The following SPDYE3 variants were observed in gnomAD, a reference collection of about 807,000 sequenced individuals.
The protein encoded by SPDYE3 is speedy protein E3.
Under a neutral mutation model 55.0 loss-of-function variants are expected in SPDYE3, and 15 were observed. The ratio of observed to expected loss-of-function variants is 0.27; its 90% CI spans 0.18 to 0.42. SPDYE3 has a LOEUF of 0.42. SPDYE3 is among the 10% of genes least tolerant of loss of function. SPDYE3 has a pLI of 1.00. For missense variants in SPDYE3, 236 were observed against 576.7 expected (o/e 0.41, Z 6.05); for synonymous variants, 89 against 229.9 (o/e 0.39, Z 5.55).
intron 8 of SPDYE3, among the ~76,000 whole-genome samples, chr7:100,318,420 C>T (rs994955649): frequency 4.6e-5 from 7 of 152,148 alleles, no homozygotes; most frequent in African/African-American, 1.4e-4. Context: ...CTTGGTGTTT[C>T]CTGGCTTGGC....
At chr7:100,317,032 G>A in intron 7 of SPDYE3, 38 bp from the exon 8 acceptor site, 3 of 1,580,854 alleles carry the variant, frequency 1.9e-6, no homozygotes, top group Non-Finnish European at 2.6e-6. Flanking sequence ...CTCCCAAGAT[G>A]TGACCTCTCC....
Position 100,320,918 on chromosome 7 carries a change from T to A in SPDYE3, c.*73T>A, listed in dbSNP as rs1367839423. The A allele has an allele frequency of 4.9e-6, 6 of 1,234,096 alleles. No homozygotes were observed. Among genetic ancestry groups the A allele is most frequent in the Non-Finnish European group, 5.5e-6 (5 of 915,394 alleles). The allele number at this position is 1,234,096 out of a possible 1,614,324, so 76.4% of individuals were successfully genotyped here. ...CACCGGACCCAGGGGAGATGTGGAT[T>A]TTCAGCAGGAACTTTATTCCAGTGC... On this transcript the variant is annotated 3_prime_UTR_variant, in exon 11 of 11. Coordinates refer to ENST00000332397, the MANE Select transcript of SPDYE3 (RefSeq NM_001004351.5).
At chr7:100,317,333 T>C (rs559752101) in intron 8 of SPDYE3, among the ~76,000 whole-genome samples, 178 bp downstream of exon 8, 142 of 152,308 alleles carry the variant, frequency 9.3e-4, no homozygotes, top group African/African-American at 3.3e-3. Context: ...AGGCTGGGCA[T>C]GGTGGCTCAG....
intron 10 of SPDYE3, chr7:100,320,675 C>G: frequency 9.3e-7 from 1 of 1,071,946 alleles, no homozygotes; most frequent in Non-Finnish European, 1.2e-6. Context: ...TGGGGCTGAC[C>G]TTGGGTGTAT....
At position 100,321,892 on chromosome 7, in the gene SPDYE3, C is replaced by G. The variant is rs1252323861; in HGVS notation, c.*1047C>G. Reference sequence around the variant, plus strand: ...ATATTTATTTATTTAAATGTTATTACTTTAAATATTATTTTAAATATTTTG... The same window carrying G: ...ATATTTATTTATTTAAATGTTATTAGTTTAAATATTATTTTAAATATTTTG... On this transcript the variant is annotated 3_prime_UTR_variant, in exon 11 of 11. Transcript: ENST00000332397. The G allele has an allele frequency of 6.9e-6, 1 of 144,036 alleles. No homozygotes were observed. Among genetic ancestry groups the G allele is most frequent in the African/African-American group, 2.5e-5 (1 of 39,950 alleles). 8.9% of individuals were successfully genotyped at this position (144,036 alleles called of 1,614,324 possible). A position where few individuals can be genotyped will look rare whatever the true frequency, so the allele number is the denominator to read the frequency against.
intron 8 of SPDYE3, among the ~76,000 whole-genome samples, chr7:100,319,343 T>TG (rs972028700): frequency 6.6e-6 from 1 of 152,210 alleles, no homozygotes; most frequent in African/African-American, 2.4e-5. Context: ...CCACCACTCT[T>TG]GGTCACCAGT....
At position 100,320,890 on chromosome 7, in the gene SPDYE3, G is replaced by A; in HGVS notation, c.*46-1G>A. 8.1e-7 allele frequency: 1 copy of A among 1,227,966 alleles called. No individual in the cohort carries two copies. Among genetic ancestry groups the A allele is most frequent in the East Asian group, 4.7e-5 (1 of 21,396 alleles). The allele number at this position is 1,227,966 out of a possible 1,614,324, so 76.1% of individuals were successfully genotyped here. On this transcript the variant is annotated splice_acceptor_variant, in intron 10 of 10. Transcript: ENST00000332397. LOFTEE classifies it low-confidence loss of function (3UTR_SPLICE). Reference sequence around the variant, plus strand: ...TGTGACATTGTCTCTCTCACTTCCAGAACACCGGACCCAGGGGAGATGTGG... The same window carrying A: ...TGTGACATTGTCTCTCTCACTTCCAAAACACCGGACCCAGGGGAGATGTGG...
At chr7:100,310,021 G>C (rs1229142541) in intron 2 of SPDYE3, among the ~76,000 whole-genome samples, 1 of 137,984 alleles carries the variant, frequency 7.2e-6, no homozygotes, top group Non-Finnish European at 1.6e-5. Flanking sequence ...ACTGGAATCC[G>C]GGAGATAGAT....
Position 100,320,031 on chromosome 7 carries a change from A to C in SPDYE3, c.*41A>C, listed in dbSNP as rs1443036202. On this transcript the variant is annotated 3_prime_UTR_variant, in exon 10 of 11. Transcript: ENST00000332397. ...GGAGGCCTGAGGTCATCGGCCTGAG[A>C]GAAGGTACATCTGCATCCTCCGGGG... is the stretch of plus-strand genomic sequence containing the variant. The C allele has an allele frequency of 1.9e-6, 3 of 1,604,756 alleles. No individual in the cohort carries two copies. The East Asian group carries it at 6.7e-5, about 36-fold the overall frequency.
At position 100,308,117 on chromosome 7, in the gene SPDYE3, G is replaced by C. The variant is rs144605175; in HGVS notation, c.106+126G>C. ...GGCCGAGGCGGGCAGATCACCTGAGGTCAGCAGTTCAAGACCAGCCTGGCC... is the reference window on the plus strand; with the variant it reads ...GGCCGAGGCGGGCAGATCACCTGAGCTCAGCAGTTCAAGACCAGCCTGGCC... On this transcript the variant is annotated intron_variant, in intron 1 of 10. Transcript: ENST00000332397. 10,558 of 1,281,626 alleles carry C rather than the reference G, an allele frequency of 8.2e-3. 774 individuals are homozygous for C. The East Asian group carries it at 0.19, about 23-fold the overall frequency. 79.4% of individuals were successfully genotyped at this position (1,281,626 alleles called of 1,614,324 possible).
intron 1 of SPDYE3, among the ~76,000 whole-genome samples, chr7:100,308,771 G>A (rs1321548962): frequency 2.0e-5 from 3 of 150,636 alleles, no homozygotes; most frequent in Non-Finnish European, 4.4e-5. Flanking sequence ...ATGACGCAGT[G>A]TTCTGAGGAC....
intron 6 of SPDYE3, among the ~76,000 whole-genome samples, chr7:100,315,007 C>T (rs981840448): frequency 1.4e-5 from 2 of 146,352 alleles, no homozygotes; most frequent in Admixed American, 6.8e-5. Context: ...GATCCCAGCA[C>T]GTTGGGAGGC....
chr7:100,307,739 AC>A lies in SPDYE3; in HGVS notation c.-146del. On this transcript the variant is annotated 5_prime_UTR_variant, in exon 1 of 11. Coordinates refer to ENST00000332397, the MANE Select transcript of SPDYE3 (RefSeq NM_001004351.5). Reference sequence around the variant, plus strand: ...CTGGCAGTTCAGGTGAACAACAGTAACTTCTCAGAGCTGTTCTCCACTCCTG... The same window carrying A: ...CTGGCAGTTCAGGTGAACAACAGTAATTCTCAGAGCTGTTCTCCACTCCTG... The A allele has an allele frequency of 7.2e-7, 1 of 1,393,552 alleles. No individual in the cohort carries two copies. Among genetic ancestry groups the A allele is most frequent in the South Asian group, 1.5e-5 (1 of 67,480 alleles). 86.3% of individuals were successfully genotyped at this position (1,393,552 alleles called of 1,614,324 possible). A position where few individuals can be genotyped will look rare whatever the true frequency, so the allele number is the denominator to read the frequency against.
Position 100,315,838 on chromosome 7 carries a change from G to A in SPDYE3, c.1255G>A (p.Asp419Asn), listed in dbSNP as rs1178911689. 1 of 1,600,350 alleles carries A rather than the reference G, an allele frequency of 6.2e-7. No individual in the cohort carries two copies. Among genetic ancestry groups the A allele is most frequent in the Admixed American group, 1.7e-5 (1 of 60,004 alleles). The stretch of plus-strand genomic sequence containing the variant: ...CTGGGACAAAGATCTGAGGGTGTCA[G>A]ACAAGGTAAGGTTGTTCTCTATGTA... ...LAWDKDLRVS[D>N]KYLLAMVIAY... is the part of the protein sequence containing the mutation. The change falls in exon 7 of 11, where the codon GAC becomes AAC. Residue 419 changes from aspartate to asparagine, a missense_variant. Asp to Asn is a conservative substitution (Grantham distance 23). Transcript: ENST00000332397.
chr7:100,307,777 C>T lies in SPDYE3; in HGVS notation c.-109C>T. 7.0e-6 allele frequency: 10 copies of T among 1,429,620 alleles called. No homozygotes were observed. The highest frequency in any genetic ancestry group is 9.2e-6 in the Non-Finnish European group (10 of 1,082,918). The allele number at this position is 1,429,620 out of a possible 1,614,324, so 88.6% of individuals were successfully genotyped here. On this transcript the variant is annotated 5_prime_UTR_variant, in exon 1 of 11. Coordinates refer to ENST00000332397, the MANE Select transcript of SPDYE3 (RefSeq NM_001004351.5). ...GTTCTCCACTCCTGACTTCTCCCAG[C>T]CTCGAGAATTGATAACACACTCTTC... is the stretch of plus-strand genomic sequence containing the variant.
At chr7:100,315,428 A>C (rs1170084835) in intron 6 of SPDYE3, among the ~76,000 whole-genome samples, 1 of 152,198 alleles carries the variant, frequency 6.6e-6, no homozygotes, top group Admixed American at 6.5e-5. Flanking sequence ...AGTGGGGGAT[A>C]CCAAGGCCAT....
Position 100,321,334 on chromosome 7 carries a change from T to C in SPDYE3, c.*489T>C. ...ATAGCTTCATGCACACTATGCATTT[T>C]ATTGGTTTGTTTGGAAAATGTTGGC... On this transcript the variant is annotated 3_prime_UTR_variant, in exon 11 of 11. Coordinates refer to ENST00000332397, the MANE Select transcript of SPDYE3 (RefSeq NM_001004351.5). 3.2e-6 allele frequency: 1 copy of C among 316,694 alleles called. No homozygotes were observed. The highest frequency in any genetic ancestry group is 4.7e-5 in the Admixed American group (1 of 21,244). 19.6% of individuals were successfully genotyped at this position (316,694 alleles called of 1,614,324 possible).
chr7:100,315,759 C>A (rs749710809), intron 6 of SPDYE3, 26 bp from the exon 7 acceptor site: 1 of 1,598,184 alleles, frequency 6.3e-7, no homozygotes, highest in Non-Finnish European at 8.5e-7. Context: ...CTGCTTCTCA[C>A]GCTGACATCT....
chr7:100,318,924 T>TTATC (rs1554445179), intron 8 of SPDYE3, among the ~76,000 whole-genome samples: 16 of 148,048 alleles, frequency 1.1e-4, no homozygotes, highest in African/African-American at 3.5e-4. Flanking sequence ...ATTTATTTAT[T>TTATC]TATCAAGACA....
Sources: gnomAD v4.1 joint callset for allele counts (sites outside exome capture counted in the v4.1 genomes callset) on GRCh38, gnomAD v4.1.1 for gene constraint, MANE v1.5 for transcripts, NCBI Gene and HGNC (gene_info 2026-07-23, HGNC 2026-07-21) for gene names.